The following CWH43 variants were observed in gnomAD, a reference collection of about 807,000 sequenced individuals.
The protein encoded by CWH43 is cell wall biogenesis 43 C-terminal homolog, also known as PGAP2-interacting protein.
In CWH43, 91 loss-of-function variants were observed where a neutral mutation model predicts 85.7. That is an observed-to-expected ratio of 1.06 (90% CI 0.90 to 1.26). The LOEUF (loss-of-function observed/expected upper bound fraction) is 1.26. Ranked by LOEUF, CWH43 falls within the 50% of genes most tolerant of loss-of-function variation. The pLI is 0.00. For missense variants in CWH43, 869 were observed against 839.2 expected (o/e 1.04, Z -0.44); for synonymous variants, 323 against 293.6 (o/e 1.10, Z -1.02).
chr4:48,996,265 T>C (rs529305972), intron 5 of CWH43, among the ~76,000 whole-genome samples: 20 of 151,640 alleles, frequency 1.3e-4, no homozygotes, highest in African/African-American at 4.6e-4. Flanking sequence ...ATACTTTGAG[T>C]CAATCAATTT....
rs1785179473 is a variant in CWH43, at chr4:49,062,079, A to C, written c.*189A>C. The C allele has an allele frequency of 2.2e-5, 7 of 318,798 alleles. No individual in the cohort carries two copies. The Admixed American group carries it at 4.1e-4, about 19-fold the overall frequency. The allele number at this position is 318,798 out of a possible 1,614,324, so 19.7% of individuals were successfully genotyped here. On this transcript the variant is annotated 3_prime_UTR_variant, in exon 16 of 16. Coordinates refer to ENST00000226432, the MANE Select transcript of CWH43 (RefSeq NM_025087.3). ...TTGCTTAATAAAAACATTTCTCTAA[A>C]TTGTTTTCCCTAAATTTTGATAAAA...
intron 9 of CWH43, among the ~76,000 whole-genome samples, chr4:49,027,260 T>A (rs886075089): frequency 1.7e-4 from 26 of 152,066 alleles, no homozygotes; most frequent in Admixed American, 6.6e-5. Flanking sequence ...ACCGATAGGA[T>A]TGGCTGAGAG....
At chr4:49,041,146 G>T (rs369961564) in intron 13 of CWH43, among the ~76,000 whole-genome samples, 1 of 152,290 alleles carries the variant, frequency 6.6e-6, no homozygotes, top group Non-Finnish European at 1.5e-5. Flanking sequence ...GGTTACTGTA[G>T]CCTTGTAGTA....
At chr4:49,011,562 G>A (rs1318316683) in intron 8 of CWH43, among the ~76,000 whole-genome samples, 2 of 152,096 alleles carry the variant, frequency 1.3e-5, no homozygotes, top group Non-Finnish European at 2.9e-5. Flanking sequence ...TAGCATCGAC[G>A]GTCCTTACAA....
In CWH43 at chr4:49,044,770, C is replaced by G. The variant is rs1174721549; in HGVS notation, c.1804-16C>G. The G allele has an allele frequency of 1.2e-6, 2 of 1,606,868 alleles. No homozygotes were observed. The highest frequency in any genetic ancestry group is 1.7e-6 in the Non-Finnish European group (2 of 1,175,696). Reference sequence around the variant, plus strand: ...CTTTTTATGCTTTAAACATTCTCCTCTCTGCTCTTTATTAGGATATCGACA... The same window carrying G: ...CTTTTTATGCTTTAAACATTCTCCTGTCTGCTCTTTATTAGGATATCGACA... On this transcript the variant is annotated splice_polypyrimidine_tract_variant and intron_variant, in intron 13 of 15. Transcript: ENST00000226432.
At chr4:49,028,885 T>G (rs1784004029) in intron 10 of CWH43, 151 bp downstream of exon 10, 1 of 570,354 alleles carries the variant, frequency 1.8e-6, no homozygotes, top group Non-Finnish European at 3.1e-6. Flanking sequence ...ATGCTTTACT[T>G]TGGCACGCAG....
chr4:49,039,325 ATATATATACTGATG>A (rs1280337979), intron 13 of CWH43, among the ~76,000 whole-genome samples: 3 of 81,118 alleles, frequency 3.7e-5, no homozygotes, highest in African/African-American at 8.9e-5. Flanking sequence ...ATATATATAT[ATATATATACTGATG>A]TATATATATA....
At chr4:48,999,026 G>A (rs866977158) in intron 6 of CWH43, among the ~76,000 whole-genome samples, 2 of 152,036 alleles carry the variant, frequency 1.3e-5, no homozygotes, top group Admixed American at 6.6e-5. Context: ...AGATTATTTT[G>A]TTACCCAGGT....
intron 15 of CWH43, among the ~76,000 whole-genome samples, chr4:49,054,220 C>T (rs1253174524): frequency 6.6e-6 from 1 of 152,144 alleles, no homozygotes; most frequent in Non-Finnish European, 1.5e-5. Flanking sequence ...CAGTCTTCTG[C>T]ATGTGGATAC....
In CWH43 at chr4:48,991,935, G is replaced by C. The variant is rs773105571; in HGVS notation, c.357-1G>C. The C allele has an allele frequency of 6.2e-7, 1 of 1,611,280 alleles. No homozygotes were observed. The highest frequency in any genetic ancestry group is 8.5e-7 in the Non-Finnish European group (1 of 1,177,944). On this transcript the variant is annotated splice_acceptor_variant, in intron 3 of 15. Coordinates refer to ENST00000226432, the MANE Select transcript of CWH43 (RefSeq NM_025087.3). LOFTEE classifies it high-confidence loss of function. ...GTTTAAAAATACTTTTGCACTTACA[G>C]GTACCTCAGAATTTGGGGATTCATT...
chr4:49,039,467 T>A (rs1784389041), intron 13 of CWH43, among the ~76,000 whole-genome samples: 1 of 143,400 alleles, frequency 7.0e-6, no homozygotes, highest in Non-Finnish European at 1.5e-5. Context: ...GCCAAATGAA[T>A]TAATTTAGAA....
intron 9 of CWH43, among the ~76,000 whole-genome samples, chr4:49,028,222 A>G (rs186934356): frequency 5.4e-3 from 828 of 152,192 alleles, no homozygotes; most frequent in Non-Finnish European, 9.3e-3. Context: ...TTAAATTTAA[A>G]ATCATCTTTC....
chr4:49,003,615 A>G, intron 6 of CWH43, 120 bp from the exon 7 acceptor site: 2 of 933,364 alleles, frequency 2.1e-6, no homozygotes, highest in Admixed American at 2.3e-5. Context: ...TAGTTTTCTC[A>G]TCTGTCTGGA....
At chr4:49,026,701 G>T (rs1783927818) in intron 9 of CWH43, among the ~76,000 whole-genome samples, 1 of 152,148 alleles carries the variant, frequency 6.6e-6, no homozygotes, top group Non-Finnish European at 1.5e-5. Context: ...CCAAGTTGCT[G>T]CAAAAGACAT....
chr4:49,004,632 C>T (rs1407389787), intron 7 of CWH43, among the ~76,000 whole-genome samples: 2 of 152,168 alleles, frequency 1.3e-5, no homozygotes, highest in Non-Finnish European at 1.5e-5. Context: ...TCAAGTGATC[C>T]TCCTGCCTTG....
At chr4:49,001,550 A>T (rs1388288321) in intron 6 of CWH43, among the ~76,000 whole-genome samples, 1 of 152,146 alleles carries the variant, frequency 6.6e-6, no homozygotes, top group Non-Finnish European at 1.5e-5. Flanking sequence ...CTCTGGAAGG[A>T]TGCAATGGTA....
chr4:48,989,625 G>A (rs1392983313), intron 2 of CWH43, among the ~76,000 whole-genome samples: 1 of 152,164 alleles, frequency 6.6e-6, no homozygotes, highest in African/African-American at 2.4e-5. Flanking sequence ...ATGAAGTCTT[G>A]CTATGTTGCT....
intron 13 of CWH43, among the ~76,000 whole-genome samples, chr4:49,043,958 A>G (rs1209851357): frequency 6.6e-6 from 1 of 152,120 alleles, no homozygotes. Context: ...TAAGAAAAAA[A>G]TGAAGAATTA....
Position 49,028,623 on chromosome 4 carries a change from C to A in CWH43, c.1267-6C>A, listed in dbSNP as rs1783993750. The A allele has an allele frequency of 1.2e-6, 2 of 1,607,196 alleles. No homozygotes were observed. Among genetic ancestry groups the A allele is most frequent in the Non-Finnish European group, 1.7e-6 (2 of 1,175,216 alleles). Reference sequence around the variant, plus strand: ...ATCCTAAACTACCATTAAAACAATTCCTCAGGCACCAACCAAAGAGGTCTC... The same window carrying A: ...ATCCTAAACTACCATTAAAACAATTACTCAGGCACCAACCAAAGAGGTCTC... On this transcript the variant is annotated splice_polypyrimidine_tract_variant and splice_region_variant and intron_variant, in intron 9 of 15. Transcript: ENST00000226432.
Sources: allele counts gnomAD v4.1 joint callset (sites outside exome capture counted in the v4.1 genomes callset), GRCh38; gene constraint gnomAD v4.1.1; transcripts MANE v1.5; gene names NCBI Gene and HGNC (gene_info 2026-07-23, HGNC 2026-07-21).